Variants in CCR3 observed in about 807,000 individuals in gnomAD.
CCR3 encodes the protein C-C chemokine receptor type 3.
For missense variants in CCR3, 419 were observed against 437.5 expected, an observed-to-expected ratio of 0.96 and a Z score of 0.38; for synonymous variants, 203 against 179.2, an observed-to-expected ratio of 1.13 and a Z score of -1.06.
exon 2 of CCR3, chr3:46,210,882 G>A (rs1470944483): frequency 6.6e-6 from 1 of 152,274 alleles, no homozygotes; most frequent in African/African-American, 2.4e-5. Flanking sequence ...AGGCTGGGAA[G>A]AGGTGGATCC....
intron 2 of CCR3, among the ~76,000 whole-genome samples, chr3:46,212,597 C>T (rs1178487489): frequency 1.3e-5 from 2 of 152,106 alleles, no homozygotes; most frequent in African/African-American, 4.8e-5. Flanking sequence ...GCATCTCTGC[C>T]TCTTTTTGCC....
In CCR3 at chr3:46,253,948, T is replaced by C. The variant is rs189220463; in HGVS notation, c.-11-11200T>C. Among the ~76,000 whole-genome samples, 617 of 151,934 alleles carry C rather than the reference T, an allele frequency of 4.1e-3. 2 individuals carry two copies. The highest frequency in any genetic ancestry group is 6.5e-3 in the Non-Finnish European group (439 of 68,022). Reference sequence around the variant, plus strand: ...AAAAAGGCTCAGAAAACTTGATGTTTCTTACTCTGATTTATGTACCAAAGA... The same window carrying C: ...AAAAAGGCTCAGAAAACTTGATGTTCCTTACTCTGATTTATGTACCAAAGA... On this transcript the variant is annotated intron_variant, in intron 1 of 1. Transcript: ENST00000395940.
chr3:46,215,565 T>G (rs983992192), intron 2 of CCR3, among the ~76,000 whole-genome samples: 1 of 152,182 alleles, frequency 6.6e-6, no homozygotes, highest in East Asian at 1.9e-4. Flanking sequence ...GGAGTCTGCA[T>G]TTTTATCAGA....
upstream of CCR3, among the ~76,000 whole-genome samples, chr3:46,239,536 G>A (rs776046982): frequency 1.1e-4 from 16 of 152,134 alleles, no homozygotes; most frequent in African/African-American, 2.9e-4. Context: ...AGGTGAACCC[G>A]GTCTGTGTGG....
chr3:46,226,686 A>G (rs1449978878), intron 2 of CCR3, among the ~76,000 whole-genome samples: 1 of 152,120 alleles, frequency 6.6e-6, no homozygotes, highest in Non-Finnish European at 1.5e-5. Context: ...CCAGTTGAAT[A>G]GGAGTGGTGA....
intron 2 of CCR3, among the ~76,000 whole-genome samples, chr3:46,236,250 G>T (rs1316360743): frequency 6.6e-6 from 1 of 152,196 alleles, no homozygotes; most frequent in African/African-American, 2.4e-5. Flanking sequence ...GGAAAGACAT[G>T]AAAATACATG....
At chr3:46,250,869 G>A (rs1360096328) in intron 1 of CCR3, among the ~76,000 whole-genome samples, 1 of 151,600 alleles carries the variant, frequency 6.6e-6, no homozygotes, top group Non-Finnish European at 1.5e-5. Flanking sequence ...ATAAGGGATT[G>A]GGGCACAGAG....
At chr3:46,252,821 GA>G (rs1234178216) in intron 1 of CCR3, among the ~76,000 whole-genome samples, 1 of 152,030 alleles carries the variant, frequency 6.6e-6, no homozygotes, top group East Asian at 1.9e-4. Context: ...AGCTTCTAAA[GA>G]ACTTGCAACT....
At chr3:46,264,590 A>G (rs964187984) in intron 1 of CCR3, 17 of 607,048 alleles carry the variant, frequency 2.8e-5, no homozygotes, top group Middle Eastern at 2.8e-4. Context: ...TTTTGAACAA[A>G]TTACTAAATT....
upstream of CCR3, among the ~76,000 whole-genome samples, chr3:46,238,430 G>A (rs140286374): frequency 2.3e-4 from 35 of 151,332 alleles, no homozygotes; most frequent in East Asian, 6.1e-3. Context: ...TCTCAATGTC[G>A]AGTGCAGTGC....
intron 1 of CCR3, among the ~76,000 whole-genome samples, chr3:46,254,305 T>G (rs1700373018): frequency 1.3e-5 from 2 of 152,178 alleles, no homozygotes; most frequent in Admixed American, 1.3e-4. Flanking sequence ...ACTTTACATT[T>G]GTCAAAAATA....
At chr3:46,214,377 C>T (rs1699749658) in intron 2 of CCR3, among the ~76,000 whole-genome samples, 2 of 152,188 alleles carry the variant, frequency 1.3e-5, no homozygotes, top group South Asian at 4.1e-4. Context: ...TCCGCTTGTG[C>T]AGGATCCCAA....
At chr3:46,253,784 G>C (rs1700363957) in intron 1 of CCR3, among the ~76,000 whole-genome samples, 1 of 152,090 alleles carries the variant, frequency 6.6e-6, no homozygotes, top group African/African-American at 2.4e-5. Flanking sequence ...ATTTTGTGTT[G>C]ATGCCCAGTG....
At position 46,265,515 on chromosome 3, in the gene CCR3, C is replaced by T. The variant is rs201274368; in HGVS notation, c.357C>T (p.Ser119=). ...GGTTTTATCACACAGGCTTGTACAG[C>T]GAGATCTTTTTCATAATCCTGCTGA... ...LSGFYHTGLY[S]EIFFIILLTI... Residue 119 remains serine, a synonymous_variant, in exon 2 of 2, where the codon AGC becomes AGT. Transcript: ENST00000395940. 11 of 1,614,086 alleles carry T rather than the reference C, an allele frequency of 6.8e-6. No individual in the cohort carries two copies. Among genetic ancestry groups the T allele is most frequent in the Admixed American group, 3.3e-5 (2 of 60,016 alleles).
intron 2 of CCR3, among the ~76,000 whole-genome samples, chr3:46,229,161 C>T (rs980415441): frequency 3.3e-5 from 5 of 152,174 alleles, no homozygotes; most frequent in African/African-American, 1.2e-4. Context: ...GATTTCCAGG[C>T]CAGCCCATAA....
chr3:46,231,347 T>C (rs917478072), intron 2 of CCR3, among the ~76,000 whole-genome samples: 42 of 152,242 alleles, frequency 2.8e-4, no homozygotes, highest in African/African-American at 1.0e-3. Flanking sequence ...TGATCGCCAC[T>C]GCAGTTTATA....
chr3:46,218,550 C>A (rs1699801234), intron 2 of CCR3, among the ~76,000 whole-genome samples: 1 of 152,126 alleles, frequency 6.6e-6, no homozygotes. Context: ...GATCAATATC[C>A]CTCATGAATG....
At chr3:46,251,546 C>T (rs965580135) in intron 1 of CCR3, among the ~76,000 whole-genome samples, 3 of 152,104 alleles carry the variant, frequency 2.0e-5, no homozygotes, top group African/African-American at 7.2e-5. Context: ...GAGCAAAGAA[C>T]AGGAGGACAG....
chr3:46,214,387 A>G (rs1377290292), intron 2 of CCR3, among the ~76,000 whole-genome samples: 1 of 151,540 alleles, frequency 6.6e-6, no homozygotes, highest in Non-Finnish European at 1.5e-5. Flanking sequence ...CAGGATCCCA[A>G]CCTCTCTCAC....
Sources: allele counts gnomAD v4.1 joint callset (sites outside exome capture counted in the v4.1 genomes callset), GRCh38; gene constraint gnomAD v4.1.1; transcripts MANE v1.5; gene names NCBI Gene and HGNC (gene_info 2026-07-23, HGNC 2026-07-21).